The following ZNF365 variants were observed in gnomAD, a reference collection of about 807,000 sequenced individuals.
The protein encoded by ZNF365 is zinc finger protein 365, also known as protein ZNF365.
ZNF365 carries 22 observed loss-of-function variants against 35.0 expected under a neutral mutation model. The ratio of observed to expected loss-of-function variants is 0.63; its 90% CI spans 0.45 to 0.90. ZNF365 has a LOEUF of 0.90. Among genes scored for constraint, ZNF365 ranks in the 40% least tolerant of loss-of-function variants. The pLI is 0.00. For synonymous variants in ZNF365, 188 were observed against 196.2 expected (o/e 0.96, Z 0.35); for missense variants, 448 against 500.3 (o/e 0.90, Z 1.00).
chr10:62,471,457 A>G (rs1841037291), intron 4 of ZNF365, among the ~76,000 whole-genome samples: 1 of 151,962 alleles, frequency 6.6e-6, no homozygotes, highest in Non-Finnish European at 1.5e-5. Context: ...GGATCAATCT[A>G]TTGAAAACAA....
rs986997022 is a variant in ZNF365 at position 62,432,207 on chromosome 10, C to T, written c.925-27534C>T. Among the ~76,000 whole-genome samples the T allele has an allele frequency of 4.6e-5, 7 of 152,198 alleles. No individual in the cohort carries two copies. In the South Asian group the frequency reaches 1.5e-3, roughly 32 times the overall value. On this transcript the variant is annotated intron_variant, in intron 3 of 4. Transcript: ENST00000395255. ...TGGGCTCTGGAGGTGAGGGGTCCAG[C>T]CTTTGTCCGGATTAGCATTGCTGGG... is the stretch of plus-strand genomic sequence containing the variant.
At chr10:62,452,367 C>T (rs1049722243) in intron 3 of ZNF365, among the ~76,000 whole-genome samples, 4 of 152,140 alleles carry the variant, frequency 2.6e-5, no homozygotes, top group African/African-American at 9.7e-5. Flanking sequence ...GCTGACCCCT[C>T]TAGGAAAATT....
At chr10:62,427,348 A>G (rs1277950426) in intron 3 of ZNF365, among the ~76,000 whole-genome samples, 1 of 152,206 alleles carries the variant, frequency 6.6e-6, no homozygotes, top group Non-Finnish European at 1.5e-5. Context: ...CACCTACGGT[A>G]TCCAGTATAG....
chr10:62,421,116 AC>A (rs1840160781), intron 3 of ZNF365, among the ~76,000 whole-genome samples: 1 of 152,074 alleles, frequency 6.6e-6, no homozygotes, highest in Non-Finnish European at 1.5e-5. Flanking sequence ...CATTGCTTAT[AC>A]TGGAAAAATA....
chr10:62,455,348 G>A (rs924796484), intron 3 of ZNF365, among the ~76,000 whole-genome samples: 3 of 152,128 alleles, frequency 2.0e-5, no homozygotes, highest in Non-Finnish European at 4.4e-5. Context: ...GACTAAATCA[G>A]CAAAAGCAAA....
At chr10:62,479,929 C>G (rs1427698114) in exon 5 of ZNF365, 1 of 1,612,492 alleles carries the variant, frequency 6.2e-7, no homozygotes, top group Non-Finnish European at 8.5e-7. Context: ...TGGATGAGGA[C>G]TTGGATCAAG....
chr10:62,476,603 T>C (rs1466731769), intron 4 of ZNF365, among the ~76,000 whole-genome samples: 1 of 152,230 alleles, frequency 6.6e-6, no homozygotes, highest in Admixed American at 6.5e-5. Context: ...CTGTTAAGAC[T>C]AAGATCTTGT....
intron 2 of ZNF365, among the ~76,000 whole-genome samples, chr10:62,379,648 A>G (rs947035795): frequency 6.6e-6 from 1 of 151,842 alleles, no homozygotes; most frequent in South Asian, 2.1e-4. Flanking sequence ...CCACCCCCGC[A>G]CCCCTGCCCT....
At chr10:62,479,488 C>T (rs953014319) in intron 4 of ZNF365, among the ~76,000 whole-genome samples, 4 of 152,210 alleles carry the variant, frequency 2.6e-5, no homozygotes, top group Non-Finnish European at 5.9e-5. Flanking sequence ...ATACCTCTGG[C>T]TCATCAGGCT....
intron 3 of ZNF365, among the ~76,000 whole-genome samples, chr10:62,438,436 C>T (rs912485908): frequency 4.6e-5 from 7 of 152,174 alleles, no homozygotes; most frequent in South Asian, 2.1e-4. Flanking sequence ...GATACACCCG[C>T]GTTGGCCTCC....
chr10:62,376,259 G>A lies in ZNF365; in HGVS notation c.66G>A (p.Val22=). ...PWQESFENVA[V]CLPLRCPRCG... ...AGGAGTCCTTTGAGAATGTTGCTGT[G>A]TGCCTGCCATTACGCTGCCCGAGGT... The change falls in exon 2 of 5, where the codon GTG becomes GTA. Residue 22 remains valine (V), a synonymous_variant. Coordinates refer to ENST00000395254, the MANE Select transcript of ZNF365 (RefSeq NM_014951.3). The A allele has an allele frequency of 6.2e-7, 1 of 1,614,088 alleles. No individual in the cohort carries two copies. The highest frequency in any genetic ancestry group is 8.5e-7 in the Non-Finnish European group (1 of 1,180,012).
intron 3 of ZNF365, among the ~76,000 whole-genome samples, chr10:62,397,250 T>C (rs779276385): frequency 6.0e-5 from 9 of 149,424 alleles, no homozygotes; most frequent in Non-Finnish European, 1.0e-4. Context: ...AATCCTATCT[T>C]GTCTCCTCAT....
intron 4 of ZNF365, among the ~76,000 whole-genome samples, chr10:62,473,399 T>C (rs1482607272): frequency 6.6e-6 from 1 of 152,202 alleles, no homozygotes; most frequent in Admixed American, 6.5e-5. Flanking sequence ...GTTCTTATAG[T>C]TCCCTAGTAA....
chr10:62,397,566 T>A (rs1839751912), intron 3 of ZNF365, among the ~76,000 whole-genome samples: 1 of 152,174 alleles, frequency 6.6e-6, no homozygotes, highest in Non-Finnish European at 1.5e-5. Context: ...GATGGTGACA[T>A]CTCTATCACA....
chr10:62,386,090 A>C (rs1221564229), intron 2 of ZNF365, among the ~76,000 whole-genome samples: 1 of 152,156 alleles, frequency 6.6e-6, no homozygotes, highest in Non-Finnish European at 1.5e-5. Context: ...CCTGTGGTGT[A>C]TTTCCAGAAT....
rs1839825534 is a variant in ZNF365, at chr10:62,401,341, T to A, written c.*1552T>A. The A allele has an allele frequency of 6.1e-6, 6 of 985,530 alleles. No homozygotes were observed. The highest frequency in any genetic ancestry group is 7.2e-6 in the Non-Finnish European group (6 of 829,920). 61.0% of individuals were successfully genotyped at this position (985,530 alleles called of 1,614,324 possible). A position where few individuals can be genotyped will look rare whatever the true frequency, so the allele number is the denominator to read the frequency against. On this transcript the variant is annotated 3_prime_UTR_variant, in exon 5 of 5. Transcript: ENST00000395254. ...ATTATGATTGTTACTGCAATAAGCA[T>A]CAAATTAGCAGCGCATTAAAAATAG...
downstream of ZNF365, among the ~76,000 whole-genome samples, chr10:62,402,790 G>T (rs1272584970): frequency 6.6e-6 from 1 of 152,146 alleles, no homozygotes; most frequent in Non-Finnish European, 1.5e-5. Flanking sequence ...AGATTTCACA[G>T]TATATATCCC....
At chr10:62,447,303 T>C (rs551296853) in intron 3 of ZNF365, among the ~76,000 whole-genome samples, 11 of 152,230 alleles carry the variant, frequency 7.2e-5, no homozygotes, top group Admixed American at 2.0e-4. Flanking sequence ...CTAAAAAATA[T>C]ATATATATTG....
In ZNF365 at chr10:62,400,643, A is replaced by G. The variant is rs1262780811; in HGVS notation, c.*854A>G. 1 of 985,736 alleles carries G rather than the reference A, an allele frequency of 1.0e-6. No homozygotes were observed. Among genetic ancestry groups the G allele is most frequent in the Non-Finnish European group, 1.2e-6 (1 of 829,982 alleles). The allele number at this position is 985,736 out of a possible 1,614,324, so 61.1% of individuals were successfully genotyped here. ...TGACAGTGGACTGCACGCTTGGTGC[A>G]TCGTGCATCGTGACCATCCTGGAAG... On this transcript the variant is annotated 3_prime_UTR_variant, in exon 5 of 5. Transcript: ENST00000395254.
Sources: gnomAD v4.1 joint callset for allele counts (sites outside exome capture counted in the v4.1 genomes callset) on GRCh38, gnomAD v4.1.1 for gene constraint, MANE v1.5 for transcripts, NCBI Gene and HGNC (gene_info 2026-07-23, HGNC 2026-07-21) for gene names.